Variants in TEFM observed in about 807,000 individuals in gnomAD.
TEFM encodes the protein transcription elongation factor of mitochondria.
In TEFM, 14 loss-of-function variants were observed where a neutral mutation model predicts 23.0. That is an observed-to-expected ratio of 0.61 (90% CI 0.40 to 0.95). The LOEUF is 0.95. Ranked by LOEUF, TEFM falls within the 40% of genes least tolerant of loss-of-function variation. The pLI is 0.00. For missense variants in TEFM, 386 were observed against 425.5 expected, an observed-to-expected ratio of 0.91 and a Z score of 0.82; for synonymous variants, 155 against 158.3, an observed-to-expected ratio of 0.98 and a Z score of 0.16.
chr17:30,899,437 T>C lies in TEFM; in HGVS notation c.815A>G (p.Gln272Arg), dbSNP rs1326781406. 1.2e-6 allele frequency: 2 copies of C among 1,614,054 alleles called. No individual in the cohort carries two copies. The highest frequency in any genetic ancestry group is 2.7e-5 in the African/African-American group (2 of 74,934). The change falls in exon 4 of 4, where the codon CAG (glutamine) becomes CGG (arginine). Residue 272 changes from glutamine (Q) to arginine (R), a missense_variant. By Grantham distance (43) the Gln-to-Arg change is conservative (BLOSUM62 1). Coordinates refer to ENST00000581216, the MANE Select transcript of TEFM (RefSeq NM_024683.4). ...TGCATTTCGATTCATGCTCAGCACC[T>C]GATGCTGCCCATCCTGGGCAAAAGT... ...NKTFAQDGQHQVLSMNRNAVG... is the reference protein window; with the variant it reads ...NKTFAQDGQHRVLSMNRNAVG...
At position 30,904,222 on chromosome 17, in the gene TEFM, C is replaced by T; in HGVS notation, c.339G>A (p.Glu113=). The T allele has an allele frequency of 6.2e-7, 1 of 1,614,128 alleles. No homozygotes were observed. The highest frequency in any genetic ancestry group is 8.5e-7 in the Non-Finnish European group (1 of 1,180,018). Residue 113 remains glutamate, a synonymous_variant, in exon 2 of 4, where the codon GAG becomes GAA. Transcript: ENST00000581216. The stretch of plus-strand genomic sequence containing the variant: ...TAAACAAGGGCACATTCATTAAACT[C>T]TCTAAATTCTGAAATGGCCCAAAGT... The part of the protein sequence containing the change: ...RENFGPFQNL[E]SLMNVPLFKY...
In TEFM at chr17:30,904,022, A is replaced by C. The variant is rs781037228; in HGVS notation, c.495+44T>G. The C allele has an allele frequency of 9.8e-6, 15 of 1,537,542 alleles. No homozygotes were observed. The Middle Eastern group carries it at 6.9e-4, about 71-fold the overall frequency. On this transcript the variant is annotated intron_variant, in intron 2 of 3. Coordinates refer to ENST00000581216, the MANE Select transcript of TEFM (RefSeq NM_024683.4). ...TGCCCAGAAGAGTGCTTTCTAGAGTAGGTTCTCAAATATTAGGCAGTATAG... is the reference window on the plus strand; with the variant it reads ...TGCCCAGAAGAGTGCTTTCTAGAGTCGGTTCTCAAATATTAGGCAGTATAG...
chr17:30,905,783 A>T (rs1910157522), intron 1 of TEFM, among the ~76,000 whole-genome samples: 1 of 152,214 alleles, frequency 6.6e-6, no homozygotes, highest in East Asian at 1.9e-4. Flanking sequence ...CAGGAAAGTA[A>T]TGTGGCCAGA....
intron 2 of TEFM, among the ~76,000 whole-genome samples, chr17:30,901,166 A>AC (rs1398143049): frequency 6.6e-6 from 1 of 152,026 alleles, no homozygotes; most frequent in Admixed American, 6.6e-5. Flanking sequence ...GATTACAGGT[A>AC]CCTGCCACCA....
chr17:30,903,467 C>T (rs1444661487), intron 2 of TEFM, among the ~76,000 whole-genome samples: 3 of 150,152 alleles, frequency 2.0e-5, no homozygotes, highest in East Asian at 2.0e-4. Context: ...CCTTGTGATC[C>T]GCCCGCTTTG....
rs746929907 is a variant in TEFM at position 30,900,547 on chromosome 17, T to A, written c.511A>T (p.Ile171Leu). Residue 171 changes from isoleucine (I) to leucine (L), a missense_variant, in exon 3 of 4, where the codon ATA becomes TTA. Physicochemically the swap from Ile to Leu is conservative, Grantham distance 5. Transcript: ENST00000581216. ...CTTCGAGTACCAAAAACGATAGATA[T>A]GATACTATTAACTGCCTAAAAGAAA... ...RERLKAVNSI[I>L]SIVFGTRRIA... The A allele has an allele frequency of 2.5e-6, 4 of 1,613,628 alleles. No individual in the cohort carries two copies. The highest frequency in any genetic ancestry group is 3.4e-6 in the Non-Finnish European group (4 of 1,179,808).
At chr17:30,902,959 A>G (rs1488188417) in intron 2 of TEFM, among the ~76,000 whole-genome samples, 5 of 151,478 alleles carry the variant, frequency 3.3e-5, no homozygotes, top group Non-Finnish European at 7.4e-5. Context: ...TGGCGCCAAC[A>G]TGGTAAAACC....
At position 30,904,160 on chromosome 17, in the gene TEFM, A is replaced by C; in HGVS notation, c.401T>G (p.Leu134Arg). 1 of 1,614,166 alleles carries C rather than the reference A, an allele frequency of 6.2e-7. No homozygotes were observed. The highest frequency in any genetic ancestry group is 8.5e-7 in the Non-Finnish European group (1 of 1,180,018). Reference protein sequence around the residue: ...KSTVQVCNSILCPKTGREKRK... With the variant: ...KSTVQVCNSIRCPKTGREKRK... ...TTTTTCCCGTCCAGTCTTTGGACAA[A>C]GTATGGAGTTACAAACTTGAACTGT... Residue 134 changes from leucine to arginine, a missense_variant, in exon 2 of 4, where the codon CTT becomes CGT. Physicochemically the swap from Leu to Arg is moderately radical, Grantham distance 102. Coordinates refer to ENST00000581216, the MANE Select transcript of TEFM (RefSeq NM_024683.4).
intron 1 of TEFM, among the ~76,000 whole-genome samples, chr17:30,905,699 T>G (rs1228772523): frequency 6.6e-6 from 1 of 152,194 alleles, no homozygotes; most frequent in Non-Finnish European, 1.5e-5. Flanking sequence ...CATGACGTTT[T>G]TGCAAGTATG....
chr17:30,901,084 G>A (rs897280071), intron 2 of TEFM, among the ~76,000 whole-genome samples: 3 of 152,090 alleles, frequency 2.0e-5, no homozygotes, highest in African/African-American at 4.8e-5. Flanking sequence ...GTGCAGTGGC[G>A]CAATCAGCTC....
intron 2 of TEFM, among the ~76,000 whole-genome samples, chr17:30,900,783 T>TA (rs1910030227): frequency 6.6e-6 from 1 of 151,142 alleles, no homozygotes; most frequent in Non-Finnish European, 1.5e-5. Flanking sequence ...TTTATTTTTT[T>TA]TTTTAGTAGA....
intron 2 of TEFM, among the ~76,000 whole-genome samples, chr17:30,902,205 A>G (rs1598009208): frequency 3.3e-5 from 5 of 152,242 alleles, no homozygotes; most frequent in Admixed American, 3.3e-4. Context: ...AATATGTTCT[A>G]TAGATACAGA....
rs1276965520 is a variant in TEFM, at chr17:30,899,249, G to A, written c.1003C>T (p.Gln335Ter). The part of the protein sequence containing the change: ...YRQMFLSTEL[Q>*]RVEELYDSLL... Reference sequence around the variant, plus strand: ...GAATCATAAAGCTCTTCTACTCTTTGTAGTTCAGTAGATAAAAACATCTGT... The same window carrying A: ...GAATCATAAAGCTCTTCTACTCTTTATAGTTCAGTAGATAAAAACATCTGT... The change falls in exon 4 of 4, where the codon CAA becomes TAA. Residue 335 changes from glutamine (Q) to a stop codon, truncating the protein, a stop_gained. Coordinates refer to ENST00000581216, the MANE Select transcript of TEFM (RefSeq NM_024683.4). LOFTEE classifies it high-confidence loss of function. 11 of 1,613,924 alleles carry A rather than the reference G, an allele frequency of 6.8e-6. No homozygotes were observed. The highest frequency in any genetic ancestry group is 9.3e-6 in the Non-Finnish European group (11 of 1,179,948).
chr17:30,901,033 TTTTG>T lies in TEFM; in HGVS notation c.496-475_496-472del, dbSNP rs1307710368. On this transcript the variant is annotated intron_variant, in intron 2 of 3. Coordinates refer to ENST00000581216, the MANE Select transcript of TEFM (RefSeq NM_024683.4). Reference sequence around the variant, plus strand: ...TAAAGAAATGCAGGAGTAATTATTATTTTGTTTGAGATGGAGTCTCGTTCTGTCA... The same window carrying T: ...TAAAGAAATGCAGGAGTAATTATTATTTTGAGATGGAGTCTCGTTCTGTCA... Among the ~76,000 whole-genome samples the T allele has an allele frequency of 2.7e-5, 4 of 149,986 alleles. No individual in the cohort carries two copies. In the East Asian group the frequency reaches 8.1e-4, roughly 30 times the overall value.
chr17:30,900,121 T>C (rs1451823876), intron 3 of TEFM: 2 of 417,962 alleles, frequency 4.8e-6, no homozygotes, highest in African/African-American at 4.0e-5. Flanking sequence ...TGTGATGGCA[T>C]TTTGAAAAAT....
Position 30,899,014 on chromosome 17 carries a change from T to G in TEFM, c.*155A>C. 1 of 691,888 alleles carries G rather than the reference T, an allele frequency of 1.4e-6. No homozygotes were observed. The highest frequency in any genetic ancestry group is 4.3e-4 in the Middle Eastern group (1 of 2,320). 42.9% of individuals were successfully genotyped at this position (691,888 alleles called of 1,614,324 possible). On this transcript the variant is annotated 3_prime_UTR_variant, in exon 4 of 4. Transcript: ENST00000581216. ...CATAAAATGTTTATTGATTTGGTCT[T>G]GGCTTATTGTGTAAACCATTTAATA...
chr17:30,904,324 T>C lies in TEFM; in HGVS notation c.237A>G (p.Thr79=), dbSNP rs1598010046. The change falls in exon 2 of 4, where the codon ACA becomes ACG. Residue 79 remains threonine (T), a synonymous_variant. Coordinates refer to ENST00000581216, the MANE Select transcript of TEFM (RefSeq NM_024683.4). ...AAGCTTCAAGTTCTTTAGTAGATGC[T>C]GTATTCAACACATGCAAGATGGAAG... ...QQASILHVLN[T]ASTKELEAFR... 6.2e-7 allele frequency: 1 copy of C among 1,614,258 alleles called. No homozygotes were observed. The highest frequency in any genetic ancestry group is 8.5e-7 in the Non-Finnish European group (1 of 1,180,038).
intron 2 of TEFM, among the ~76,000 whole-genome samples, 174 bp from the exon 3 acceptor site, chr17:30,900,736 G>GGACT (rs1248550407): frequency 6.6e-6 from 1 of 151,642 alleles, no homozygotes; most frequent in Admixed American, 6.6e-5. Flanking sequence ...CGACTAGCTG[G>GGACT]GACTACAGGC....
At chr17:30,905,446 G>A (rs1910148097) in intron 1 of TEFM, among the ~76,000 whole-genome samples, 1 of 151,458 alleles carries the variant, frequency 6.6e-6, no homozygotes, top group South Asian at 2.1e-4. Flanking sequence ...CTTGAGCCCG[G>A]AAGGCGGAGG....
Sources: allele counts gnomAD v4.1 joint callset (sites outside exome capture counted in the v4.1 genomes callset), GRCh38; gene constraint gnomAD v4.1.1; transcripts MANE v1.5; gene names NCBI Gene and HGNC (gene_info 2026-07-23, HGNC 2026-07-21).